The following SERPINI2 variants were observed in gnomAD, a reference collection of about 807,000 sequenced individuals.
SERPINI2 encodes serpin family I member 2.
Under a neutral mutation model 47.3 loss-of-function variants are expected in SERPINI2, and 48 were observed. The ratio of observed to expected loss-of-function variants is 1.02; its 90% CI spans 0.81 to 1.29. The LOEUF (loss-of-function observed/expected upper bound fraction) is 1.29, where lower values mean the gene tolerates loss of function less well. Among genes scored for constraint, SERPINI2 ranks in the 50% most tolerant of loss-of-function variants. The pLI is 0.00. For missense variants in SERPINI2, 448 were observed against 456.9 expected, an observed-to-expected ratio of 0.98 and a Z score of 0.18; for synonymous variants, 135 against 149.3, an observed-to-expected ratio of 0.90 and a Z score of 0.70.
At chr3:167,471,738 G>A (rs1266934802) in exon 2 of SERPINI2, 1 of 1,613,672 alleles carries the variant, frequency 6.2e-7, no homozygotes, top group South Asian at 1.1e-5. Context: ...TCTTGATAAA[G>A]ATCCACTGCA....
intron 5 of SERPINI2, among the ~76,000 whole-genome samples, 195 bp downstream of exon 5, chr3:167,465,008 GTTC>G (rs1424071931): frequency 2.2e-4 from 33 of 152,118 alleles, no homozygotes; most frequent in African/African-American, 6.8e-4. Flanking sequence ...CTTAAATTCA[GTTC>G]TTCTCATGGT....
chr3:167,475,727 G>C (rs1750462960), upstream of SERPINI2, among the ~76,000 whole-genome samples: 2 of 149,152 alleles, frequency 1.3e-5, no homozygotes, highest in Non-Finnish European at 3.0e-5. Context: ...GAAAATCGGG[G>C]TGGGGGGAGA....
At chr3:167,465,538 T>A in exon 4 of SERPINI2, 1 of 1,613,414 alleles carries the variant, frequency 6.2e-7, no homozygotes, top group Non-Finnish European at 8.5e-7. Context: ...ACCATTTTTC[T>A]TAGTAAAATT....
intron 8 of SERPINI2, among the ~76,000 whole-genome samples, chr3:167,442,597 A>C (rs9811119): frequency 0.36 from 54,647 of 152,036 alleles, 14,043 homozygotes; most frequent in African/African-American, 0.74. Flanking sequence ...TGTAAGTCTT[A>C]AGGGCTAAAA....
chr3:167,455,606 AG>A lies in SERPINI2; in HGVS notation c.867-2574del, dbSNP rs71632469. Among the ~76,000 whole-genome samples, 556 of 140,842 alleles carry A rather than the reference AG, an allele frequency of 3.9e-3. 3 individuals are homozygous for A. Among genetic ancestry groups the A allele is most frequent in the African/African-American group, 0.015 (509 of 34,872 alleles). 92.4% of individuals were successfully genotyped at this position (140,842 alleles called of 152,430 possible). A position where few individuals can be genotyped will look rare whatever the true frequency, so the allele number is the denominator to read the frequency against. ...AAATACGAGTCTCAAAAAAAAAAAAAGAAAAGAAAAGAAAAGAAAAGAAAAA... is the reference window on the plus strand; with the variant it reads ...AAATACGAGTCTCAAAAAAAAAAAAAAAAAGAAAAGAAAAGAAAAGAAAAA... On this transcript the variant is annotated intron_variant, in intron 5 of 8. Coordinates refer to ENST00000264677, the Ensembl canonical transcript of SERPINI2.
At position 167,450,006 on chromosome 3, in the gene SERPINI2, A is replaced by T. The variant is rs544442724; in HGVS notation, c.965-604T>A. Among the ~76,000 whole-genome samples the T allele has an allele frequency of 2.6e-5, 4 of 152,340 alleles. No individual in the cohort carries two copies. In the East Asian group the frequency reaches 7.7e-4, roughly 29 times the overall value. On this transcript the variant is annotated intron_variant, in intron 6 of 8. Coordinates refer to ENST00000264677, the Ensembl canonical transcript of SERPINI2. ...CTAAGTGAAATATTTGAAGGGACAGAGAGCTTTTCCTCCCTTAGCCATTGT... is the reference window on the plus strand; with the variant it reads ...CTAAGTGAAATATTTGAAGGGACAGTGAGCTTTTCCTCCCTTAGCCATTGT...
chr3:167,444,899 G>A (rs1046360357), intron 8 of SERPINI2, among the ~76,000 whole-genome samples: 1 of 152,076 alleles, frequency 6.6e-6, no homozygotes, highest in South Asian at 2.1e-4. Flanking sequence ...GGAAAATAGA[G>A]TAAAACATAA....
At chr3:167,465,344 C>A (rs186546562) in exon 5 of SERPINI2, 10 of 1,612,028 alleles carry the variant, frequency 6.2e-6, no homozygotes, top group East Asian at 4.5e-5. Flanking sequence ...AAATTCATCA[C>A]CTTTGTAAGA....
chr3:167,471,642 C>T (rs546642713), exon 2 of SERPINI2: 2 of 1,613,534 alleles, frequency 1.2e-6, no homozygotes, highest in South Asian at 2.2e-5. Context: ...TGTGCTTTTC[C>T]TTTGGCTCCC....
chr3:167,461,563 T>G (rs1369394503), intron 5 of SERPINI2, among the ~76,000 whole-genome samples: 1 of 152,030 alleles, frequency 6.6e-6, no homozygotes, highest in Admixed American at 6.6e-5. Context: ...GCGTAAGCTA[T>G]TTTATATGAT....
rs1750113211 is a variant in SERPINI2, at chr3:167,465,676, A to G, written c.479-3T>C. The G allele has an allele frequency of 1.2e-6, 2 of 1,605,782 alleles. No homozygotes were observed. Among genetic ancestry groups the G allele is most frequent in the Admixed American group, 1.7e-5 (1 of 58,020 alleles). ...TGAAAACATGTCTTTAATTTTTCCT[A>G]GGAAGTGGGTGGAGGAGGAGGTAAG... On this transcript the variant is annotated splice_region_variant and splice_polypyrimidine_tract_variant and intron_variant, in intron 3 of 8. Coordinates refer to ENST00000264677, the Ensembl canonical transcript of SERPINI2.
exon 9 of SERPINI2, chr3:167,442,059 A>G (rs763415051): frequency 7.0e-7 from 1 of 1,421,358 alleles, no homozygotes; most frequent in South Asian, 1.3e-5. Context: ...TATTTTGCCA[A>G]TCAGCTATTT....
At position 167,449,476 on chromosome 3, in the gene SERPINI2, A is replaced by G. The variant is rs113507549; in HGVS notation, c.965-74T>C. ...AGCCGTTACCTATTAGATCTCAATTAATTACATTTATTTATTTATTTATTT... is the reference window on the plus strand; with the variant it reads ...AGCCGTTACCTATTAGATCTCAATTGATTACATTTATTTATTTATTTATTT... On this transcript the variant is annotated intron_variant, in intron 6 of 8. Transcript: ENST00000264677. The G allele has an allele frequency of 0.018, 13,183 of 719,898 alleles. 1,152 individuals are homozygous for G. The African/African-American group carries it at 0.21, about 11-fold the overall frequency. The allele number at this position is 719,898 out of a possible 1,614,324, so 44.6% of individuals were successfully genotyped here. A position where few individuals can be genotyped will look rare whatever the true frequency, so the allele number is the denominator to read the frequency against.
intron 6 of SERPINI2, 64 bp from the exon 7 acceptor site, chr3:167,449,466 G>T: frequency 2.4e-6 from 2 of 833,182 alleles, no homozygotes; most frequent in Non-Finnish European, 3.7e-6. Context: ...TTACCTATTA[G>T]ATCTCAATTA....
At chr3:167,456,187 T>TGTGG in intron 5 of SERPINI2, among the ~76,000 whole-genome samples, 1 of 149,030 alleles carries the variant, frequency 6.7e-6, no homozygotes, top group Non-Finnish European at 1.5e-5. Context: ...TGTGTGTGTG[T>TGTGG]GTAAAATAAT....
intron 8 of SERPINI2, among the ~76,000 whole-genome samples, chr3:167,445,650 C>T (rs996651238): frequency 6.6e-6 from 1 of 152,176 alleles, no homozygotes; most frequent in African/African-American, 2.4e-5. Flanking sequence ...TTTCTACTAT[C>T]CTGTGGTATG....
At chr3:167,449,768 C>A (rs1239909519) in intron 6 of SERPINI2, among the ~76,000 whole-genome samples, 1 of 152,214 alleles carries the variant, frequency 6.6e-6, no homozygotes, top group Non-Finnish European at 1.5e-5. Context: ...TCTGGGATTA[C>A]AGGTGTGAGC....
exon 3 of SERPINI2, chr3:167,467,124 G>C (rs886524657): frequency 1.2e-6 from 2 of 1,613,412 alleles, no homozygotes; most frequent in African/African-American, 2.7e-5. Flanking sequence ...AAATCCACCA[G>C]TTTTATAGCA....
At chr3:167,467,919 A>G (rs1345252179) in intron 2 of SERPINI2, among the ~76,000 whole-genome samples, 1 of 152,132 alleles carries the variant, frequency 6.6e-6, no homozygotes, top group African/African-American at 2.4e-5. Flanking sequence ...AACTCTAACC[A>G]CTAGCCAAAA....
Sources: gnomAD v4.1 joint callset for allele counts (sites outside exome capture counted in the v4.1 genomes callset) on GRCh38, gnomAD v4.1.1 for gene constraint, MANE v1.5 for transcripts, NCBI Gene and HGNC (gene_info 2026-07-23, HGNC 2026-07-21) for gene names.